The following NF1 variants were observed in gnomAD, a reference collection of about 807,000 sequenced individuals.
NF1 encodes neurofibromin 1.
Under a neutral mutation model 325.7 loss-of-function variants are expected in NF1, and 122 were observed. That is an observed-to-expected ratio of 0.37 (90% confidence interval 0.32 to 0.44). NF1 has a LOEUF of 0.44. Among genes scored for constraint, NF1 ranks in the 20% least tolerant of loss-of-function variants. The pLI, the probability that NF1 is intolerant of heterozygous loss-of-function variation, is 1.00. For missense variants in NF1, 2,140 were observed against 3,415.4 expected, an observed-to-expected ratio of 0.63 and a Z score of 9.31; for synonymous variants, 1,091 against 1,186.0, an observed-to-expected ratio of 0.92 and a Z score of 1.65.
intron 36 of NF1, among the ~76,000 whole-genome samples, chr17:31,306,701 A>C (rs1363011925): frequency 1.3e-5 from 2 of 152,112 alleles, no homozygotes; most frequent in Non-Finnish European, 2.9e-5. Context: ...GGTGGAGTAA[A>C]TTCAATCCAG....
At chr17:31,337,722 T>C (rs1597844422) in intron 43 of NF1, 97 bp from the exon 44 acceptor site, 9 of 1,434,012 alleles carry the variant, frequency 6.3e-6, no homozygotes, top group South Asian at 2.4e-5. Flanking sequence ...ACTGTGTTAT[T>C]GGTAACAGGT....
chr17:31,199,003 T>A (rs1331989394), intron 8 of NF1, among the ~76,000 whole-genome samples: 1 of 152,130 alleles, frequency 6.6e-6, no homozygotes, highest in Admixed American at 6.5e-5. Flanking sequence ...TTTGTTAACC[T>A]ATCTAGCTAG....
At chr17:31,300,263 C>G (rs1454261919) in intron 36 of NF1, among the ~76,000 whole-genome samples, 1 of 151,788 alleles carries the variant, frequency 6.6e-6, no homozygotes, top group Non-Finnish European at 1.5e-5. Flanking sequence ...CTTTTCCATC[C>G]TATTTCCTTC....
chr17:31,258,653 A>G, intron 32 of NF1, 151 bp downstream of exon 32: 1 of 848,352 alleles, frequency 1.2e-6, no homozygotes, highest in Non-Finnish European at 1.8e-6. Context: ...TTACAAAGGA[A>G]TTCATTAGTT....
intron 36 of NF1, among the ~76,000 whole-genome samples, chr17:31,270,188 A>C (rs1353211041): frequency 6.6e-6 from 1 of 152,260 alleles, no homozygotes; most frequent in Non-Finnish European, 1.5e-5. Context: ...TTAACTGTTC[A>C]CATTGCTTAT....
Position 31,184,666 on chromosome 17 carries a change from A to AAAAAAAAAT in NF1, c.888+2007_888+2008insAATAAAAAA, listed in dbSNP as rs1567828025. Among the ~76,000 whole-genome samples the AAAAAAAAAT allele has an allele frequency of 2.1e-5, 3 of 140,564 alleles. 1 individual carries two copies. The highest frequency in any genetic ancestry group is 4.7e-5 in the Non-Finnish European group (3 of 63,312). The allele number at this position is 140,564 out of a possible 152,430, so 92.2% of individuals were successfully genotyped here. A position where few individuals can be genotyped will look rare whatever the true frequency, so the allele number is the denominator to read the frequency against. ...CCGTCTCAAAAAAAAAAAATAAAAA[A>AAAAAAAAAT]AAAAAATAAAAAAATAAAATAGAAA... is the stretch of plus-strand genomic sequence containing the variant. On this transcript the variant is annotated intron_variant, in intron 8 of 57. Transcript: ENST00000358273.
chr17:31,335,853 A>ATTTTTTTTTTT (rs71360768), intron 40 of NF1, among the ~76,000 whole-genome samples: 7 of 112,764 alleles, frequency 6.2e-5, no homozygotes, highest in South Asian at 2.8e-4. Flanking sequence ...TAATTTTTGT[A>ATTTTTTTTTTT]TTTTTTTTTT....
At chr17:31,195,197 A>G (rs1431629285) in intron 8 of NF1, among the ~76,000 whole-genome samples, 3 of 152,144 alleles carry the variant, frequency 2.0e-5, no homozygotes, top group African/African-American at 4.8e-5. Flanking sequence ...TGGAAAAGTA[A>G]GCTTCCTATT....
chr17:31,231,355 A>G (rs1249173564), intron 24 of NF1, among the ~76,000 whole-genome samples: 1 of 152,226 alleles, frequency 6.6e-6, no homozygotes, highest in African/African-American at 2.4e-5. Context: ...AATGATACTT[A>G]TTGACACATA....
intron 36 of NF1, among the ~76,000 whole-genome samples, chr17:31,319,512 G>A (rs999649442): frequency 3.9e-5 from 6 of 152,062 alleles, no homozygotes; most frequent in African/African-American, 1.4e-4. Flanking sequence ...GGTGGAAAGA[G>A]GGGAAGTTTG....
chr17:31,369,290 A>G (rs1158311079), intron 57 of NF1, among the ~76,000 whole-genome samples: 1 of 152,210 alleles, frequency 6.6e-6, no homozygotes, highest in Non-Finnish European at 1.5e-5. Context: ...CAATAATGTA[A>G]TCTAATCCTT....
intron 57 of NF1, among the ~76,000 whole-genome samples, chr17:31,372,425 C>T (rs984229640): frequency 2.6e-4 from 30 of 117,298 alleles, no homozygotes; most frequent in Admixed American, 2.1e-3. Flanking sequence ...TATAATCAGT[C>T]TAATTTTGGG....
At chr17:31,367,944 G>C (rs2070561351) in intron 57 of NF1, among the ~76,000 whole-genome samples, 1 of 150,620 alleles carries the variant, frequency 6.6e-6, no homozygotes, top group Non-Finnish European at 1.5e-5. Context: ...GCAATACTCT[G>C]TCTCACAAAA....
At chr17:31,176,620 C>T (rs1481343586) in intron 5 of NF1, among the ~76,000 whole-genome samples, 2 of 152,100 alleles carry the variant, frequency 1.3e-5, no homozygotes, top group Non-Finnish European at 2.9e-5. Context: ...AGGTTTCTTT[C>T]TAGGGTTTTT....
chr17:31,357,364 T>G lies in NF1; in HGVS notation c.7965T>G (p.Pro2655=), dbSNP rs748355760. The G allele has an allele frequency of 6.2e-6, 10 of 1,611,482 alleles. No homozygotes were observed. The highest frequency in any genetic ancestry group is 7.6e-6 in the Non-Finnish European group (9 of 1,177,654). ...GTGTTGTGTTTCCCAAAGTCTTTCC[T>G]GTTGTGTAAGTATCTCCTTTTGATT... ...EASVVFPKVF[P]VVHNLLDSKI... Residue 2655 remains proline, a synonymous_variant, in exon 54 of 58, where the codon CCT becomes CCG. Transcript: ENST00000358273.
chr17:31,132,414 C>T (rs958769489), intron 1 of NF1, among the ~76,000 whole-genome samples: 2 of 152,048 alleles, frequency 1.3e-5, no homozygotes, highest in African/African-American at 4.8e-5. Context: ...GTGGCAGACG[C>T]CTGTAATCCC....
chr17:31,162,858 G>T (rs1041307649), intron 3 of NF1, among the ~76,000 whole-genome samples: 24 of 152,274 alleles, frequency 1.6e-4, no homozygotes, highest in African/African-American at 5.5e-4. Flanking sequence ...TTCTGTAATT[G>T]TAGAACTCAC....
chr17:31,121,340 TA>T (rs1237082695), intron 1 of NF1, among the ~76,000 whole-genome samples: 1 of 151,924 alleles, frequency 6.6e-6, no homozygotes, highest in Non-Finnish European at 1.5e-5. Flanking sequence ...TTATTTCATA[TA>T]TTCATTCATT....
At chr17:31,274,784 CTG>C (rs1385161816) in intron 36 of NF1, among the ~76,000 whole-genome samples, 8 of 151,626 alleles carry the variant, frequency 5.3e-5, no homozygotes, top group Admixed American at 4.6e-4. Context: ...CTTGAGCAAA[CTG>C]TGACTTATTC....
Sources: allele counts gnomAD v4.1 joint callset (sites outside exome capture counted in the v4.1 genomes callset), GRCh38; gene constraint gnomAD v4.1.1; transcripts MANE v1.5; gene names NCBI Gene and HGNC (gene_info 2026-07-23, HGNC 2026-07-21).